Variants in DAB1 observed in about 807,000 individuals in gnomAD.
DAB1 encodes DAB adaptor protein 1, also known as disabled homolog 1.
In DAB1, 15 loss-of-function variants were observed where a neutral mutation model predicts 64.6. The observed-to-expected ratio is 0.23, with a 90% CI of 0.16 to 0.36. The LOEUF (loss-of-function observed/expected upper bound fraction) is 0.36. Among genes scored for constraint, DAB1 ranks in the 10% least tolerant of loss-of-function variants. The pLI is 1.00. For missense variants in DAB1, 596 were observed against 706.7 expected (o/e 0.84, Z 1.78); for synonymous variants, 235 against 251.9 (o/e 0.93, Z 0.64).
At chr1:57,406,216 A>G (rs1481452637) in intron 1 of DAB1, among the ~76,000 whole-genome samples, 1 of 152,244 alleles carries the variant, frequency 6.6e-6, no homozygotes, top group African/African-American at 2.4e-5. Flanking sequence ...AGCCCAGCAC[A>G]GTATTCAGAA....
At chr1:58,441,509 A>G (rs935508668) in intron 3 of DAB1, among the ~76,000 whole-genome samples, 1 of 152,192 alleles carries the variant, frequency 6.6e-6, no homozygotes, top group Non-Finnish European at 1.5e-5. Context: ...TGTGTTGGGA[A>G]GAGTGATTTT....
At chr1:57,220,766 G>A (rs996824992) in intron 2 of DAB1, among the ~76,000 whole-genome samples, 2 of 152,208 alleles carry the variant, frequency 1.3e-5, no homozygotes, top group Non-Finnish European at 2.9e-5. Context: ...GTGCTGGAGA[G>A]GATGTGGAGA....
At chr1:57,276,261 G>A (rs955147694) in intron 2 of DAB1, among the ~76,000 whole-genome samples, 4 of 152,286 alleles carry the variant, frequency 2.6e-5, no homozygotes, top group Admixed American at 1.3e-4. Flanking sequence ...TCTCCATAGC[G>A]CTCAAGGCAG....
At chr1:57,357,808 T>A (rs1339054299) in intron 1 of DAB1, among the ~76,000 whole-genome samples, 1 of 151,816 alleles carries the variant, frequency 6.6e-6, no homozygotes, top group Non-Finnish European at 1.5e-5. Context: ...AACCATCTCA[T>A]GAGAACTCAC....
At chr1:57,463,789 C>T (rs1354446933) in intron 7 of DAB1, among the ~76,000 whole-genome samples, 2 of 151,902 alleles carry the variant, frequency 1.3e-5, no homozygotes, top group Non-Finnish European at 2.9e-5. Flanking sequence ...ATTCATGAAA[C>T]ATTTCTTGAG....
chr1:57,337,952 CTTCTCTCTCTT>C (rs1677230623), intron 1 of DAB1, among the ~76,000 whole-genome samples: 1 of 146,612 alleles, frequency 6.8e-6, no homozygotes, highest in African/African-American at 2.5e-5. Flanking sequence ...TCCTCACTCT[CTTCTCTCTCTT>C]TTCTCCCTCC....
chr1:57,714,616 C>T (rs76852767), intron 6 of DAB1, among the ~76,000 whole-genome samples: 1,932 of 152,148 alleles, frequency 0.013, 31 homozygotes, highest in South Asian at 0.065. Flanking sequence ...CTTGGAGATC[C>T]GGGAAGCCCC....
At chr1:57,503,193 G>C (rs1174981427) in intron 7 of DAB1, among the ~76,000 whole-genome samples, 2 of 152,192 alleles carry the variant, frequency 1.3e-5, no homozygotes, top group Admixed American at 1.3e-4. Context: ...AAGTTCCCAA[G>C]ATTCACATCA....
chr1:58,266,039 C>CCACCACCAA (rs1204965440), intron 4 of DAB1, among the ~76,000 whole-genome samples: 1 of 6,820 alleles, frequency 1.5e-4, no homozygotes, highest in African/African-American at 7.5e-4. Context: ...CACATACACC[C>CCACCACCAA]CACCACCACC....
chr1:57,251,711 A>C (rs968029861), intron 2 of DAB1, among the ~76,000 whole-genome samples: 19 of 152,258 alleles, frequency 1.2e-4, no homozygotes, highest in African/African-American at 4.6e-4. Context: ...GCTTATTGAA[A>C]TAGAAGGAAT....
In DAB1 at chr1:57,676,659, A is replaced by G. The variant is rs188134538; in HGVS notation, n.552-26994T>C. ...CTCAGCTTGGCATCCTTGACTGTTA[A>G]TGATATGCCTCAAAATTACATCTCT... On this transcript the variant is annotated intron_variant and non_coding_transcript_variant, in intron 6 of 20. Transcript: ENST00000485760. 5.8e-4 allele frequency among the ~76,000 whole-genome samples: 89 copies of G among 152,302 alleles called. 1 individual carries two copies. Among genetic ancestry groups the G allele is most frequent in the Non-Finnish European group, 3.8e-4 (26 of 68,032 alleles).
intron 5 of DAB1, among the ~76,000 whole-genome samples, chr1:58,063,229 C>T (rs545828371): frequency 3.0e-4 from 46 of 152,210 alleles, no homozygotes; most frequent in African/African-American, 1.1e-3. Context: ...TCTGGGGTCA[C>T]AGTGCTGTAA....
At chr1:57,256,489 T>G (rs1274653077) in intron 2 of DAB1, among the ~76,000 whole-genome samples, 1 of 152,154 alleles carries the variant, frequency 6.6e-6, no homozygotes, top group African/African-American at 2.4e-5. Context: ...TTTCCACATT[T>G]ACCCATCGGA....
At chr1:57,112,360 T>C (rs1444578584) in intron 4 of DAB1, among the ~76,000 whole-genome samples, 1 of 152,198 alleles carries the variant, frequency 6.6e-6, no homozygotes, top group Non-Finnish European at 1.5e-5. Context: ...GTGGTCTCTG[T>C]CAATTTCCAC....
intron 3 of DAB1, among the ~76,000 whole-genome samples, chr1:58,426,321 G>A (rs987841892): frequency 3.3e-5 from 5 of 152,150 alleles, no homozygotes; most frequent in African/African-American, 1.2e-4. Flanking sequence ...TTAGACAGGG[G>A]ACTTCAGGAA....
intron 7 of DAB1, among the ~76,000 whole-genome samples, chr1:57,631,906 C>T (rs1045527339): frequency 5.3e-5 from 8 of 152,134 alleles, no homozygotes; most frequent in African/African-American, 1.9e-4. Flanking sequence ...TCCATGTTAC[C>T]AGGACACAGG....
chr1:57,072,491 C>T, intron 4 of DAB1, 77 bp from the exon 5 acceptor site: 1 of 1,539,820 alleles, frequency 6.5e-7, no homozygotes, highest in Non-Finnish European at 8.9e-7. Flanking sequence ...AAATGTGTTT[C>T]AGCTACGTGT....
chr1:58,250,392 CG>C (rs1432835849), intron 4 of DAB1, among the ~76,000 whole-genome samples: 1 of 152,226 alleles, frequency 6.6e-6, no homozygotes, highest in African/African-American at 2.4e-5. Context: ...CTGGGTATCC[CG>C]GAGAGGGGAT....
intron 4 of DAB1, among the ~76,000 whole-genome samples, chr1:58,194,541 G>C (rs1237955419): frequency 6.6e-6 from 1 of 152,186 alleles, no homozygotes; most frequent in Non-Finnish European, 1.5e-5. Flanking sequence ...TGTTTGTAGT[G>C]CTTTTCAAGA....
Sources: gnomAD v4.1 joint callset for allele counts (sites outside exome capture counted in the v4.1 genomes callset) on GRCh38, gnomAD v4.1.1 for gene constraint, MANE v1.5 for transcripts, NCBI Gene and HGNC (gene_info 2026-07-23, HGNC 2026-07-21) for gene names.